DISP3: variants seen among roughly 807,000 people sequenced by gnomAD.
DISP3 encodes protein dispatched homolog 3.
Under a neutral mutation model 135.3 loss-of-function variants are expected in DISP3, and 101 were observed. The ratio of observed to expected loss-of-function variants is 0.75; its 90% CI spans 0.64 to 0.88. DISP3 has a LOEUF of 0.88. DISP3 is among the 40% of genes least tolerant of loss of function. The probability of loss-of-function intolerance (pLI) is 0.00; values close to 1 mark genes in which losing one functional copy is unlikely to be tolerated. For synonymous variants in DISP3, 856 were observed against 817.0 expected, an observed-to-expected ratio of 1.05 and a Z score of -0.81; for missense variants, 1,713 against 1,878.6, an observed-to-expected ratio of 0.91 and a Z score of 1.63.
chr1:11,490,719 G>A (rs1641160815), intron 1 of DISP3, among the ~76,000 whole-genome samples: 1 of 152,176 alleles, frequency 6.6e-6, no homozygotes, highest in South Asian at 2.1e-4. Flanking sequence ...GGTTAGTCGG[G>A]TGGAATTCCT....
chr1:11,529,825 C>A lies in DISP3; in HGVS notation c.2968C>A (p.Pro990Thr). ...TCTCTCAGCCACCTTCGGCTTCAAC[C>A]CCTGCGTGAACACGGGCTGCGGGAA... ...ARLSATFGFN[P>T]CVNTGCGKPA... The change falls in exon 15 of 21, where the codon CCC becomes ACC. Residue 990 changes from proline to threonine, a missense_variant. Physicochemically the swap from Pro to Thr is conservative, Grantham distance 38. This residue lies in a region of DISP3 where 1,142 missense variants were observed against 1,384.6 expected (regional missense o/e 0.82). Coordinates refer to ENST00000294484, the MANE Select transcript of DISP3 (RefSeq NM_020780.2). This position sits in a 1 kb window ranked among gnomAD's most constrained non-coding sequence, Gnocchi z 4.7. The A allele has an allele frequency of 1.2e-6, 2 of 1,613,962 alleles. No individual in the cohort carries two copies. The highest frequency in any genetic ancestry group is 8.5e-7 in the Non-Finnish European group (1 of 1,180,014).
chr1:11,514,908 G>A (rs907902439), intron 4 of DISP3, among the ~76,000 whole-genome samples: 3 of 152,058 alleles, frequency 2.0e-5, no homozygotes, highest in Non-Finnish European at 2.9e-5. Context: ...TTTCACCTCC[G>A]TGTGCCCCTG....
At chr1:11,508,531 CT>C (rs1306416814) in intron 3 of DISP3, among the ~76,000 whole-genome samples, 1 of 151,600 alleles carries the variant, frequency 6.6e-6, no homozygotes, top group African/African-American at 2.4e-5. Flanking sequence ...CGTGTGTCTT[CT>C]TTTTTTTCAT....
In DISP3 at chr1:11,534,413, C is replaced by G. The variant is rs199816094; in HGVS notation, c.3408C>G (p.Thr1136=). 17 of 1,614,234 alleles carry G rather than the reference C, an allele frequency of 1.1e-5. No individual in the cohort carries two copies. In the East Asian group the frequency reaches 3.6e-4, roughly 34 times the overall value. Residue 1136 remains threonine (T), a synonymous_variant, in exon 18 of 21, where the codon ACC becomes ACG. Transcript: ENST00000294484. ...TTYKGKSSFQ[T]YSDYLRWESF... is the part of the protein sequence containing the mutation. ...ACAAGGGCAAATCCTCCTTCCAGAC[C>G]TACTCGGACTACCTGCGCTGGGAGA...
Position 11,520,671 on chromosome 1 carries a change from C to A in DISP3, c.2201-16C>A. ...CTGGGCCCAGCCCCGCCTGGTGTAG[C>A]GCCCTTTCCTCACAGGGCTGTTCGT... On this transcript the variant is annotated splice_polypyrimidine_tract_variant and intron_variant, in intron 9 of 20. Transcript: ENST00000294484. This position sits in a 1 kb window ranked among gnomAD's most constrained non-coding sequence, Gnocchi z 4.8. 1 of 1,611,120 alleles carries A rather than the reference C, an allele frequency of 6.2e-7. No homozygotes were observed. Among genetic ancestry groups the A allele is most frequent in the Non-Finnish European group, 8.5e-7 (1 of 1,178,512 alleles).
chr1:11,520,274 T>C lies in DISP3; in HGVS notation c.2200+394T>C, dbSNP rs1330977364. Reference sequence around the variant, plus strand: ...TAGGAAGGCAGCTGTCAGTGGAGAGTATGTATAAAGACCTCAGCCCAGCGC... The same window carrying C: ...TAGGAAGGCAGCTGTCAGTGGAGAGCATGTATAAAGACCTCAGCCCAGCGC... On this transcript the variant is annotated intron_variant, in intron 9 of 20. Transcript: ENST00000294484. The surrounding 1 kb of genome is among the most constrained non-coding windows in gnomAD (Gnocchi z 4.8). Among the ~76,000 whole-genome samples the C allele has an allele frequency of 1.3e-5, 2 of 151,824 alleles. No individual in the cohort carries two copies. Among genetic ancestry groups the C allele is most frequent in the East Asian group, 3.9e-4 (2 of 5,172 alleles).
intron 20 of DISP3, 109 bp downstream of exon 20, chr1:11,535,753 C>A: frequency 7.3e-7 from 1 of 1,366,204 alleles, no homozygotes; most frequent in East Asian, 2.4e-5. Context: ...ACCAGGACCC[C>A]CATGCAGGCT....
At chr1:11,534,614 C>T (rs1328935246) in intron 18 of DISP3, 74 bp downstream of exon 18, 28 of 1,511,542 alleles carry the variant, frequency 1.9e-5, no homozygotes, top group Middle Eastern at 2.0e-4. Context: ...GGGCACAGAG[C>T]GGCCTGAGTC....
chr1:11,517,650 CTCTA>C, intron 7 of DISP3, 48 bp downstream of exon 7: 1 of 1,600,610 alleles, frequency 6.2e-7, no homozygotes. Flanking sequence ...CACAACAGGC[CTCTA>C]TGAGCCACTC....
chr1:11,492,512 G>C (rs1247109137), intron 1 of DISP3, among the ~76,000 whole-genome samples: 6 of 152,176 alleles, frequency 3.9e-5, no homozygotes, highest in Non-Finnish European at 5.9e-5. Context: ...TGAGAAATGG[G>C]GGGCTTGGAC....
At position 11,502,715 on chromosome 1, in the gene DISP3, C is replaced by T; in HGVS notation, c.1134C>T (p.Tyr378=). 6.2e-7 allele frequency: 1 copy of T among 1,614,192 alleles called. No individual in the cohort carries two copies. The highest frequency in any genetic ancestry group is 1.1e-5 in the South Asian group (1 of 91,076). ...TGGCCATGACTCACCCTGAGTTCTA[C>T]TGGTATGTGGATGAGGGCCTCTCTG... ...LELAMTHPEF[Y]WYVDEGLSAD... Residue 378 remains tyrosine, a synonymous_variant, in exon 3 of 21, where the codon TAC becomes TAT. Transcript: ENST00000294484.
chr1:11,517,710 T>C (rs1467774173), intron 7 of DISP3, 108 bp downstream of exon 7: 7 of 1,390,774 alleles, frequency 5.0e-6, no homozygotes, highest in Non-Finnish European at 5.9e-6. Flanking sequence ...GACCAGTCCT[T>C]TGCTAGGCAG....
At position 11,534,453 on chromosome 1, in the gene DISP3, C is replaced by T; in HGVS notation, c.3448C>T (p.Gln1150Ter). Residue 1150 changes from glutamine to a stop codon, truncating the protein, a stop_gained, in exon 18 of 21, where the codon CAG becomes TAG. Transcript: ENST00000294484. LOFTEE classifies it high-confidence loss of function. ...GCGCTGGGAGAGCTTCCTCCAGCAG[C>T]AGCTGCAGGCCTTGCCCGAGGGCTC... ...YLRWESFLQQ[Q>*]LQALPEGSVL... 1 of 1,614,214 alleles carries T rather than the reference C, an allele frequency of 6.2e-7. No individual in the cohort carries two copies. The highest frequency in any genetic ancestry group is 8.5e-7 in the Non-Finnish European group (1 of 1,180,046).
Position 11,501,513 on chromosome 1 carries a change from T to C in DISP3, c.521T>C (p.Val174Ala). Reference sequence around the variant, plus strand: ...CGGCAAGCCTCCCGAGCCCCCCGCGTCATCCCCGCGGCCTCACTCGGTGGC... The same window carrying C: ...CGGCAAGCCTCCCGAGCCCCCCGCGCCATCCCCGCGGCCTCACTCGGTGGC... Reference protein sequence around the residue: ...RSRQASRAPRVIPAASLGGPG... With the variant: ...RSRQASRAPRAIPAASLGGPG... Residue 174 changes from valine (V) to alanine (A), a missense_variant, in exon 2 of 21, where the codon GTC becomes GCC. By Grantham distance (64) the Val-to-Ala change is moderately conservative. Coordinates refer to ENST00000294484, the MANE Select transcript of DISP3 (RefSeq NM_020780.2). The surrounding 1 kb of genome is among the most constrained non-coding windows in gnomAD (Gnocchi z 4.9). 1 of 1,604,782 alleles carries C rather than the reference T, an allele frequency of 6.2e-7. No individual in the cohort carries two copies. The highest frequency in any genetic ancestry group is 8.5e-7 in the Non-Finnish European group (1 of 1,175,524).
intron 15 of DISP3, 151 bp from the exon 16 acceptor site, chr1:11,530,756 G>A: frequency 9.8e-7 from 1 of 1,020,240 alleles, no homozygotes; most frequent in South Asian, 1.5e-5. Flanking sequence ...TTAGGGTGGA[G>A]CAGTGGGTGA....
Position 11,519,984 on chromosome 1 carries a change from C to G in DISP3, c.2200+104C>G. On this transcript the variant is annotated intron_variant, in intron 9 of 20. Transcript: ENST00000294484. The surrounding 1 kb of genome is among the most constrained non-coding windows in gnomAD (Gnocchi z 4.3). ...CTCGCAGATGCCCCAGGGTCAGAGG[C>G]CTGGGCTGGGGTCTCTCCCTCTCTG... The G allele has an allele frequency of 1.6e-6, 2 of 1,213,476 alleles. No individual in the cohort carries two copies. Among genetic ancestry groups the G allele is most frequent in the Non-Finnish European group, 2.3e-6 (2 of 875,188 alleles). 75.2% of individuals were successfully genotyped at this position (1,213,476 alleles called of 1,614,324 possible).
intron 3 of DISP3, among the ~76,000 whole-genome samples, chr1:11,504,455 G>A (rs930399375): frequency 2.6e-4 from 39 of 152,340 alleles, no homozygotes; most frequent in African/African-American, 8.9e-4. Flanking sequence ...GGGCAGCATT[G>A]CCCAGAGGCT....
At chr1:11,492,119 C>G (rs1301423942) in intron 1 of DISP3, among the ~76,000 whole-genome samples, 1 of 68,974 alleles carries the variant, frequency 1.4e-5, no homozygotes, top group Admixed American at 1.6e-4. Flanking sequence ...GAGACTCCGT[C>G]TCAAAAAAAA....
chr1:11,527,699 T>G (rs1490525349), intron 13 of DISP3, among the ~76,000 whole-genome samples: 1 of 152,168 alleles, frequency 6.6e-6, no homozygotes, highest in Non-Finnish European at 1.5e-5. Context: ...GGGGTTGCAG[T>G]GGCCACCTGG....
Sources: gnomAD v4.1 joint callset for allele counts (sites outside exome capture counted in the v4.1 genomes callset) on GRCh38, gnomAD v4.1.1 for gene constraint, gnomAD v4.1.1 regional missense constraint, Gnocchi (gnomAD v3.1) non-coding constraint, MANE v1.5 for transcripts, NCBI Gene and HGNC (gene_info 2026-07-23, HGNC 2026-07-21) for gene names.